The following GGT1 variants were observed in gnomAD, a reference collection of about 807,000 sequenced individuals.
GGT1 encodes gamma-glutamyltransferase 1.
GGT1 carries 21 observed loss-of-function variants against 56.0 expected under a neutral mutation model. The observed-to-expected ratio is 0.38, with a 90% CI of 0.27 to 0.54. GGT1 has a LOEUF of 0.54. Ranked by LOEUF, GGT1 falls within the 20% of genes least tolerant of loss-of-function variation. The pLI, the probability that GGT1 is intolerant of heterozygous loss-of-function variation, is 0.82. For synonymous variants in GGT1, 238 were observed against 342.6 expected (o/e 0.69, Z 3.37); for missense variants, 466 against 787.0 (o/e 0.59, Z 4.88).
chr22:24,592,218 T>C, upstream of GGT1: 5 of 449,198 alleles, frequency 1.1e-5, no homozygotes, highest in South Asian at 7.9e-5. Flanking sequence ...TTAGTGTACC[T>C]GGTGTGTGTA....
At chr22:24,613,909 G>A (rs372606372) in intron 5 of GGT1, among the ~76,000 whole-genome samples, 71 of 151,544 alleles carry the variant, frequency 4.7e-4, no homozygotes, top group Middle Eastern at 3.4e-3. Context: ...AAATTGCCAG[G>A]TGTGGTGGTT....
intron 7 of GGT1, among the ~76,000 whole-genome samples, chr22:24,616,206 G>T (rs2047053815): frequency 6.6e-6 from 1 of 151,970 alleles, no homozygotes; most frequent in Non-Finnish European, 1.5e-5. Flanking sequence ...CCTAGGTCAG[G>T]AGTTCAAGAC....
chr22:24,586,057 C>T, the GGT1 span: 3 of 1,611,958 alleles, frequency 1.9e-6, no homozygotes, highest in South Asian at 1.1e-5. Context: ...GGCCGACCAG[C>T]AGGGGCTGGG....
chr22:24,598,794 C>A (rs1352485837), upstream of GGT1, among the ~76,000 whole-genome samples: 3 of 152,202 alleles, frequency 2.0e-5, no homozygotes, highest in Admixed American at 1.3e-4. Flanking sequence ...CTCAAGCCAT[C>A]CACCCACCTC....
intron 1 of GGT1, among the ~76,000 whole-genome samples, chr22:24,604,622 TG>T (rs2045918685): frequency 6.6e-6 from 1 of 152,072 alleles, no homozygotes; most frequent in South Asian, 2.1e-4. Context: ...ACAAGAGCTG[TG>T]GGGTCTGGAG....
the GGT1 span, chr22:24,589,557 G>T: frequency 2.1e-6 from 1 of 472,322 alleles, no homozygotes; most frequent in Non-Finnish European, 3.4e-6. Flanking sequence ...TGGGCCCCCA[G>T]GCCTGGTGCA....
At chr22:24,623,758 G>A in intron 10 of GGT1, 22 bp from the exon 11 acceptor site, 2 of 1,611,142 alleles carry the variant, frequency 1.2e-6, no homozygotes, top group Non-Finnish European at 1.7e-6. Flanking sequence ...TCAGCAACAT[G>A]CACCTGGCTC....
chr22:24,612,616 T>C (rs2046792601), intron 5 of GGT1, among the ~76,000 whole-genome samples: 2 of 152,090 alleles, frequency 1.3e-5, no homozygotes, highest in African/African-American at 4.8e-5. Flanking sequence ...AACCTCCGTC[T>C]CCTGGATTCA....
At chr22:24,602,822 T>C (rs1229341479), upstream of GGT1, among the ~76,000 whole-genome samples, 2 of 152,134 alleles carry the variant, frequency 1.3e-5, no homozygotes, top group Non-Finnish European at 2.9e-5. Context: ...CCTCAGACCT[T>C]GTGGGGCCTC....
chr22:24,625,671 A>G (rs1270535006), intron 11 of GGT1, among the ~76,000 whole-genome samples: 2 of 151,656 alleles, frequency 1.3e-5, no homozygotes, highest in African/African-American at 4.9e-5. Context: ...CCTCCCGAGT[A>G]GCTGGGATTA....
At chr22:24,611,517 A>T (rs1233981781) in intron 5 of GGT1, among the ~76,000 whole-genome samples, 1 of 128,558 alleles carries the variant, frequency 7.8e-6, no homozygotes, top group Non-Finnish European at 1.6e-5. Context: ...ATTTCTTCCT[A>T]TCTATCTATC....
intron 11 of GGT1, among the ~76,000 whole-genome samples, chr22:24,626,266 G>A (rs866009828): frequency 2.0e-4 from 29 of 146,696 alleles, no homozygotes; most frequent in South Asian, 6.4e-4. Context: ...TACAGGCCTC[G>A]GCCTCCCAAA....
upstream of GGT1, chr22:24,592,739 A>T: frequency 1.5e-6 from 2 of 1,293,070 alleles, no homozygotes; most frequent in Non-Finnish European, 2.0e-6. Context: ...CGCGCCAGAG[A>T]CCAGCTCCGC....
At chr22:24,616,673 T>C (rs1275893128) in intron 7 of GGT1, among the ~76,000 whole-genome samples, 2 of 149,976 alleles carry the variant, frequency 1.3e-5, no homozygotes, top group South Asian at 2.2e-4. Context: ...GCCTCCCGAA[T>C]AGCTGGGACT....
intron 5 of GGT1, among the ~76,000 whole-genome samples, chr22:24,613,391 A>G (rs113385801): frequency 0.052 from 7,892 of 152,252 alleles, 675 homozygotes; most frequent in African/African-American, 0.18. Context: ...AAATGTTATT[A>G]ATAAAGTATA....
upstream of GGT1, among the ~76,000 whole-genome samples, chr22:24,599,558 G>T (rs1267041852): frequency 1.3e-5 from 2 of 152,102 alleles, no homozygotes; most frequent in Admixed American, 6.6e-5. Context: ...TGGCCTATGG[G>T]GACTGGAGGT....
chr22:24,597,630 G>A (rs577248052), intron 1 of GGT1, among the ~76,000 whole-genome samples: 10 of 152,120 alleles, frequency 6.6e-5, no homozygotes, highest in Non-Finnish European at 8.8e-5. Context: ...TCAGTGAGCC[G>A]AGATAGCACC....
chr22:24,600,133 G>C (rs529477134), upstream of GGT1, among the ~76,000 whole-genome samples: 1 of 152,214 alleles, frequency 6.6e-6, no homozygotes, highest in Non-Finnish European at 1.5e-5. Context: ...CCAGGAGGGG[G>C]GCCCTTTGGG....
chr22:24,611,822 T>A (rs976529382), intron 5 of GGT1, among the ~76,000 whole-genome samples: 7 of 147,728 alleles, frequency 4.7e-5, no homozygotes, highest in African/African-American at 1.8e-4. Context: ...TGTGTGTGTT[T>A]CCAAGACAGA....
Sources: allele counts gnomAD v4.1 joint callset (sites outside exome capture counted in the v4.1 genomes callset), GRCh38; gene constraint gnomAD v4.1.1; transcripts MANE v1.5; gene names NCBI Gene and HGNC (gene_info 2026-07-23, HGNC 2026-07-21).